Variants in FARP1 observed in about 807,000 individuals in gnomAD.
FARP1 encodes the protein FERM, ARHGEF and pleckstrin domain-containing protein 1.
A neutral mutation model predicts 128.8 loss-of-function variants in FARP1; 52 were observed. The observed-to-expected ratio is 0.40, with a 90% CI of 0.32 to 0.51. The LOEUF (loss-of-function observed/expected upper bound fraction) is 0.51. FARP1 is among the 20% of genes least tolerant of loss of function. The pLI, the probability that FARP1 is intolerant of heterozygous loss-of-function variation, is 0.45. For synonymous variants in FARP1, 580 were observed against 551.8 expected, an observed-to-expected ratio of 1.05 and a Z score of -0.72; for missense variants, 1,333 against 1,367.9, an observed-to-expected ratio of 0.97 and a Z score of 0.40.
chr13:98,361,442 A>G (rs1028115244), intron 3 of FARP1, among the ~76,000 whole-genome samples: 9 of 152,236 alleles, frequency 5.9e-5, no homozygotes, highest in African/African-American at 2.2e-4. Flanking sequence ...AAAACAATTC[A>G]TAAAATAGGC....
In FARP1 at chr13:98,259,034, C is replaced by A. The variant is rs192145494; in HGVS notation, c.171+45621C>A. Among the ~76,000 whole-genome samples, 22 of 151,898 alleles carry A rather than the reference C, an allele frequency of 1.4e-4. No homozygotes were observed. In the East Asian group the frequency reaches 4.3e-3, roughly 29 times the overall value. ...ACCAGGCTGGGCAACATAGTGAGACCCTGTCTGTCTCTACAAAAAATAAAA... is the reference window on the plus strand; with the variant it reads ...ACCAGGCTGGGCAACATAGTGAGACACTGTCTGTCTCTACAAAAAATAAAA... On this transcript the variant is annotated intron_variant, in intron 2 of 26. Transcript: ENST00000319562.
intron 3 of FARP1, among the ~76,000 whole-genome samples, chr13:98,347,466 G>GA (rs1320440553): frequency 2.0e-4 from 30 of 152,200 alleles, no homozygotes; most frequent in African/African-American, 7.0e-4. Flanking sequence ...ATCTACTTTA[G>GA]ACACGTCATC....
At position 98,277,953 on chromosome 13, in the gene FARP1, T is replaced by C. The variant is rs536882745; in HGVS notation, c.171+64540T>C. Among the ~76,000 whole-genome samples the C allele has an allele frequency of 2.6e-5, 4 of 152,392 alleles. No homozygotes were observed. The South Asian group carries it at 8.3e-4, about 32-fold the overall frequency. On this transcript the variant is annotated intron_variant, in intron 2 of 26. Transcript: ENST00000319562. ...AGGGTCAAAATCTGGTGATCTGTTA[T>C]TTAACAAGCTATTGTTTTAAATGGT... is the stretch of plus-strand genomic sequence containing the variant.
At chr13:98,170,115 G>C (rs185227805) in intron 1 of FARP1, among the ~76,000 whole-genome samples, 33 of 152,228 alleles carry the variant, frequency 2.2e-4, no homozygotes, top group African/African-American at 7.5e-4. Context: ...TTGTATTTTG[G>C]AAGAGATTCT....
At chr13:98,191,374 C>T (rs184454091) in intron 1 of FARP1, among the ~76,000 whole-genome samples, 1 of 152,290 alleles carries the variant, frequency 6.6e-6, no homozygotes, top group Admixed American at 6.5e-5. Flanking sequence ...AGGTCTTGTT[C>T]ATAGTGTTGT....
At chr13:98,279,638 G>T (rs1289632460) in intron 2 of FARP1, among the ~76,000 whole-genome samples, 2 of 152,232 alleles carry the variant, frequency 1.3e-5, no homozygotes, top group Non-Finnish European at 2.9e-5. Flanking sequence ...TGCAGAGGCT[G>T]GTTCTGTTCG....
At chr13:98,332,685 C>G (rs1257039847) in intron 2 of FARP1, 1 of 152,140 alleles carries the variant, frequency 6.6e-6, no homozygotes, top group African/African-American at 2.4e-5. Context: ...TTCCCATTCT[C>G]CCAACTGACT....
At chr13:98,288,045 C>T (rs1370466578) in intron 2 of FARP1, among the ~76,000 whole-genome samples, 1 of 152,126 alleles carries the variant, frequency 6.6e-6, no homozygotes, top group Non-Finnish European at 1.5e-5. Context: ...CGTGATCCGC[C>T]CACGTCGGCC....
intron 2 of FARP1, among the ~76,000 whole-genome samples, chr13:98,305,124 T>TTTA (rs1566855114): frequency 1.3e-5 from 2 of 150,436 alleles, no homozygotes; most frequent in African/African-American, 2.4e-5. Context: ...ATATATTTTT[T>TTTA]AATTTATTTA....
rs1453931528 is a variant in FARP1, at chr13:98,298,057, G to A, written c.172-45705G>A. On this transcript the variant is annotated intron_variant, in intron 2 of 26. Coordinates refer to ENST00000319562, the MANE Select transcript of FARP1 (RefSeq NM_005766.4). ...AAAGCAGAATGCCGAGAAACAGGGCGACCCAGGATTTCCATGTCAGGCTGT... is the reference window on the plus strand; with the variant it reads ...AAAGCAGAATGCCGAGAAACAGGGCAACCCAGGATTTCCATGTCAGGCTGT... Among the ~76,000 whole-genome samples, 7 of 152,302 alleles carry A rather than the reference G, an allele frequency of 4.6e-5. No homozygotes were observed. The South Asian group carries it at 1.2e-3, about 27-fold the overall frequency.
At chr13:98,327,242 G>T (rs1470781958) in intron 2 of FARP1, among the ~76,000 whole-genome samples, 5 of 152,114 alleles carry the variant, frequency 3.3e-5, no homozygotes, top group African/African-American at 1.2e-4. Context: ...GTCAGTGCTG[G>T]TATTAGGTCA....
chr13:98,272,719 G>A (rs74669560), intron 2 of FARP1, among the ~76,000 whole-genome samples: 2,654 of 152,266 alleles, frequency 0.017, 38 homozygotes, highest in Non-Finnish European at 0.026. Flanking sequence ...TCTGTCAGGA[G>A]GGCTGGTTGC....
In FARP1 at chr13:98,143,812, C is replaced by G. The variant is rs559319528; in HGVS notation, c.-24+320C>G. ...CCGCTCGCCTCCCCCGACCCCGGCG[C>G]CCTTCCCCCGTTTCCTTCCGTCCTA... On this transcript the variant is annotated intron_variant, in intron 1 of 26. Coordinates refer to ENST00000319562, the MANE Select transcript of FARP1 (RefSeq NM_005766.4). 6.4e-3 allele frequency among the ~76,000 whole-genome samples: 968 copies of G among 151,928 alleles called. 9 individuals are homozygous for G. Among genetic ancestry groups the G allele is most frequent in the African/African-American group, 0.022 (926 of 41,522 alleles).
chr13:98,271,849 G>A (rs973915590), intron 2 of FARP1, among the ~76,000 whole-genome samples: 2 of 151,856 alleles, frequency 1.3e-5, no homozygotes, highest in African/African-American at 4.8e-5. Context: ...CACTGATTTG[G>A]GTTGCTTCCA....
chr13:98,249,828 A>G (rs1263568240), intron 2 of FARP1, among the ~76,000 whole-genome samples: 4 of 152,154 alleles, frequency 2.6e-5, no homozygotes, highest in African/African-American at 9.7e-5. Context: ...GGTATTGACA[A>G]CATGAAATTC....
rs1188136034 is a variant in FARP1 at position 98,176,928 on chromosome 13, C to G, written c.-24+33436C>G. The G allele has an allele frequency of 1.2e-6, 2 of 1,603,702 alleles. No homozygotes were observed. The highest frequency in any genetic ancestry group is 3.3e-5 in the Admixed American group (2 of 60,018). ...CGGTGGCCCCCATGTCCTCTGGCCC[C>G]ACAGGCTTCGCCGAGCGGGTGGACC... is the stretch of plus-strand genomic sequence containing the variant. On this transcript the variant is annotated intron_variant, in intron 1 of 26. Transcript: ENST00000319562. The surrounding 1 kb of genome is among the most constrained non-coding windows in gnomAD (Gnocchi z 6.2).
rs10571699 is a variant in FARP1, at chr13:98,229,685, C to CT, written c.171+16288dup. On this transcript the variant is annotated intron_variant, in intron 2 of 26. Coordinates refer to ENST00000319562, the MANE Select transcript of FARP1 (RefSeq NM_005766.4). ...TAGATGATTATTATATACTTTATTTCTTTTTTTTTTTTTTTTAATAAAGAT... is the reference window on the plus strand; with the variant it reads ...TAGATGATTATTATATACTTTATTTCTTTTTTTTTTTTTTTTTAATAAAGAT... 2.9e-3 allele frequency among the ~76,000 whole-genome samples: 403 copies of CT among 140,470 alleles called. 2 individuals carry two copies. The highest frequency in any genetic ancestry group is 5.9e-3 in the Admixed American group (83 of 13,990). 92.2% of individuals were successfully genotyped at this position (140,470 alleles called of 152,430 possible).
At chr13:98,189,094 GGGCTGGGTTGCCTGATGGGTGCT>G (rs1461731935) in intron 1 of FARP1, among the ~76,000 whole-genome samples, 1 of 152,042 alleles carries the variant, frequency 6.6e-6, no homozygotes, top group East Asian at 1.9e-4. Context: ...TGAATGGCCC[GGGCTGGGTTGCCTGATGGGTGCT>G]GGCCTGTGGG....
chr13:98,143,990 T>A (rs1875299910), intron 1 of FARP1, among the ~76,000 whole-genome samples: 2 of 152,042 alleles, frequency 1.3e-5, no homozygotes, highest in African/African-American at 4.8e-5. Context: ...TCCCGGCGGG[T>A]GACAAAGAGG....
Sources: allele counts gnomAD v4.1 joint callset (sites outside exome capture counted in the v4.1 genomes callset), GRCh38; gene constraint gnomAD v4.1.1; non-coding constraint Gnocchi (gnomAD v3.1); transcripts MANE v1.5; gene names NCBI Gene and HGNC (gene_info 2026-07-23, HGNC 2026-07-21).